LRRTM4: variants seen among roughly 807,000 people sequenced by gnomAD.
LRRTM4 encodes leucine rich repeat transmembrane neuronal 4.
A neutral mutation model predicts 47.6 loss-of-function variants in LRRTM4; 25 were observed. The ratio of observed to expected loss-of-function variants is 0.53; its 90% CI spans 0.38 to 0.73. LRRTM4 has a LOEUF of 0.73. Ranked by LOEUF, LRRTM4 falls within the 30% of genes least tolerant of loss-of-function variation. The probability of loss-of-function intolerance (pLI) is 0.00; values close to 1 mark genes in which losing one functional copy is unlikely to be tolerated. For synonymous variants in LRRTM4, 311 were observed against 269.5 expected, an observed-to-expected ratio of 1.15 and a Z score of -1.51; for missense variants, 638 against 713.4, an observed-to-expected ratio of 0.89 and a Z score of 1.20.
chr2:76,985,025 A>C (rs1262678655), intron 3 of LRRTM4, among the ~76,000 whole-genome samples: 1 of 151,992 alleles, frequency 6.6e-6, no homozygotes, highest in Non-Finnish European at 1.5e-5. Flanking sequence ...ATTCAAAATA[A>C]AGTTTTTTTA....
chr2:77,130,279 G>A (rs957139342), intron 3 of LRRTM4, among the ~76,000 whole-genome samples: 8 of 152,058 alleles, frequency 5.3e-5, no homozygotes, highest in African/African-American at 1.4e-4. Flanking sequence ...TTAACAAGTA[G>A]GCATTACTCA....
chr2:76,841,673 A>G (rs896729015), intron 3 of LRRTM4, among the ~76,000 whole-genome samples: 1 of 149,920 alleles, frequency 6.7e-6, no homozygotes, highest in African/African-American at 2.5e-5. Context: ...AGAAAAAAAA[A>G]AAAAACTTTA....
rs1672700005 is a variant in LRRTM4, at chr2:76,747,861, T to G, written c.*834A>C. On this transcript the variant is annotated 3_prime_UTR_variant, in exon 4 of 4. Coordinates refer to ENST00000409884, the MANE Select transcript of LRRTM4 (RefSeq NM_001134745.3). ...GCAGTTTCATTCATTGAGCCCATGG[T>G]CATATCTCTCTTATAGCCTTAGTCC... is the stretch of plus-strand genomic sequence containing the variant. 6.6e-6 allele frequency: 1 copy of G among 152,224 alleles called. No homozygotes were observed. Among genetic ancestry groups the G allele is most frequent in the Non-Finnish European group, 1.5e-5 (1 of 68,044 alleles). The allele number at this position is 152,224 out of a possible 1,614,324, so 9.4% of individuals were successfully genotyped here.
rs529538653 is a variant in LRRTM4, at chr2:76,890,775, C to T, written c.1552-141859G>A. ...AAACATAATAGGTGGAAAGAGAATG[C>T]TACAAAGTTTAATTCATACAGAACT... On this transcript the variant is annotated intron_variant, in intron 3 of 3. Coordinates refer to ENST00000409884, the MANE Select transcript of LRRTM4 (RefSeq NM_001134745.3). Among the ~76,000 whole-genome samples, 17 of 152,002 alleles carry T rather than the reference C, an allele frequency of 1.1e-4. No individual in the cohort carries two copies. The South Asian group carries it at 2.7e-3, about 24-fold the overall frequency.
chr2:77,000,143 G>C (rs72823176), intron 3 of LRRTM4, among the ~76,000 whole-genome samples: 26,858 of 147,864 alleles, frequency 0.18, 2,470 homozygotes, highest in Admixed American at 0.27. Flanking sequence ...CGGAGAAAGA[G>C]TGGGAAAGTA....
Position 76,954,178 on chromosome 2 carries a change from G to C in LRRTM4, c.1552-205262C>G, listed in dbSNP as rs542194894. ...CACACAATGTTACACGGCATGTAAA[G>C]AAATAGAAATAAGGCCTAATCAAAG... On this transcript the variant is annotated intron_variant, in intron 3 of 3. Coordinates refer to ENST00000409884, the MANE Select transcript of LRRTM4 (RefSeq NM_001134745.3). Among the ~76,000 whole-genome samples, 7 of 151,836 alleles carry C rather than the reference G, an allele frequency of 4.6e-5. No individual in the cohort carries two copies. The South Asian group carries it at 1.2e-3, about 27-fold the overall frequency.
At chr2:76,890,469 A>G (rs1673216669) in intron 3 of LRRTM4, among the ~76,000 whole-genome samples, 2 of 152,032 alleles carry the variant, frequency 1.3e-5, no homozygotes, top group Non-Finnish European at 1.5e-5. Context: ...GGATCTGGTC[A>G]ATGTTGATTA....
At chr2:77,014,518 A>AT (rs1677988741) in intron 3 of LRRTM4, among the ~76,000 whole-genome samples, 2 of 147,730 alleles carry the variant, frequency 1.4e-5, no homozygotes, top group African/African-American at 2.6e-5. Context: ...ATATATATAT[A>AT]AAGATTTTAT....
intron 3 of LRRTM4, among the ~76,000 whole-genome samples, chr2:77,259,952 T>A (rs1675872815): frequency 6.6e-6 from 1 of 151,874 alleles, no homozygotes; most frequent in South Asian, 2.1e-4. Flanking sequence ...TTGTGAATGG[T>A]AAGAGAAACA....
Position 76,968,054 on chromosome 2 carries a change from G to A in LRRTM4, c.1552-219138C>T, listed in dbSNP as rs114233988. Among the ~76,000 whole-genome samples, 1,170 of 151,116 alleles carry A rather than the reference G, an allele frequency of 7.7e-3. 17 individuals are homozygous for A. Among genetic ancestry groups the A allele is most frequent in the African/African-American group, 0.027 (1,114 of 41,314 alleles). ...ATGGATAAAAAGATTAAAGGTATAA[G>A]TAAGCAAAATGAAGTAACTCATTAT... is the stretch of plus-strand genomic sequence containing the variant. On this transcript the variant is annotated intron_variant, in intron 3 of 3. Coordinates refer to ENST00000409884, the MANE Select transcript of LRRTM4 (RefSeq NM_001134745.3).
intron 3 of LRRTM4, among the ~76,000 whole-genome samples, chr2:77,225,359 A>C (rs373665707): frequency 4.0e-5 from 6 of 151,744 alleles, no homozygotes; most frequent in Non-Finnish European, 5.9e-5. Context: ...AACTTAAAGT[A>C]TAATAATAAT....
intron 3 of LRRTM4, among the ~76,000 whole-genome samples, chr2:77,088,963 G>C (rs1182488492): frequency 6.6e-6 from 1 of 151,934 alleles, no homozygotes; most frequent in Admixed American, 6.6e-5. Flanking sequence ...AGACAAAGGA[G>C]ACACGTTTTA....
At chr2:77,438,467 C>T (rs918212715) in intron 3 of LRRTM4, among the ~76,000 whole-genome samples, 11 of 135,558 alleles carry the variant, frequency 8.1e-5, no homozygotes, top group East Asian at 2.1e-4. Context: ...AGTGTAGTGG[C>T]GCGATCTCGG....
intron 3 of LRRTM4, among the ~76,000 whole-genome samples, chr2:77,055,069 G>T (rs1041045825): frequency 6.6e-6 from 1 of 152,220 alleles, no homozygotes; most frequent in East Asian, 1.9e-4. Flanking sequence ...TCCCAAGGAG[G>T]TAACAGTGCC....
At position 77,324,726 on chromosome 2, in the gene LRRTM4, C is replaced by A. The variant is rs1271853800; in HGVS notation, c.1551+193592G>T. On this transcript the variant is annotated intron_variant, in intron 3 of 3. Coordinates refer to ENST00000409884, the MANE Select transcript of LRRTM4 (RefSeq NM_001134745.3). ...TGGCCATCTTATAGATTTTGGGATA[C>A]GTCCCAAGATTCTTAAGTAAGGCCA... Among the ~76,000 whole-genome samples, 7 of 152,200 alleles carry A rather than the reference C, an allele frequency of 4.6e-5. No homozygotes were observed. The South Asian group carries it at 1.2e-3, about 27-fold the overall frequency.
At chr2:76,902,482 G>A (rs1673672063) in intron 3 of LRRTM4, among the ~76,000 whole-genome samples, 1 of 152,118 alleles carries the variant, frequency 6.6e-6, no homozygotes, top group African/African-American at 2.4e-5. Context: ...GATTCCTGAG[G>A]AAAAGAACGT....
chr2:77,217,416 G>A (rs1186235878), intron 3 of LRRTM4, among the ~76,000 whole-genome samples: 1 of 83,506 alleles, frequency 1.2e-5, no homozygotes, highest in African/African-American at 5.5e-5. Flanking sequence ...ATTAATTAAT[G>A]ATTTGGGCTA....
rs70956631 is a variant in LRRTM4 at position 77,438,393 on chromosome 2, A to ATTTTTT, written c.1551+79919_1551+79924dup. 1.0e-3 allele frequency among the ~76,000 whole-genome samples: 104 copies of ATTTTTT among 100,180 alleles called. 7 individuals are homozygous for ATTTTTT. Among genetic ancestry groups the ATTTTTT allele is most frequent in the African/African-American group, 3.7e-3 (84 of 22,404 alleles). The allele number at this position is 100,180 out of a possible 152,430, so 65.7% of individuals were successfully genotyped here. ...TACATTTTCGCTCTCGATCATGATA[A>ATTTTTT]TTTTTTTTTTTTTTTTTTTTTTTTT... is the stretch of plus-strand genomic sequence containing the variant. On this transcript the variant is annotated intron_variant, in intron 3 of 3. Transcript: ENST00000409884.
chr2:77,137,981 C>T (rs557957455), intron 3 of LRRTM4, among the ~76,000 whole-genome samples: 7 of 152,200 alleles, frequency 4.6e-5, no homozygotes, highest in East Asian at 3.9e-4. Flanking sequence ...AAAGCAAGTC[C>T]TTAGAGAACT....
Sources: allele counts gnomAD v4.1 joint callset (sites outside exome capture counted in the v4.1 genomes callset), GRCh38; gene constraint gnomAD v4.1.1; transcripts MANE v1.5; gene names NCBI Gene and HGNC (gene_info 2026-07-23, HGNC 2026-07-21).